Variants in TSPAN14 observed in about 807,000 individuals in gnomAD.
The protein encoded by TSPAN14 is tetraspanin 14.
Under a neutral mutation model 36.6 loss-of-function variants are expected in TSPAN14, and 16 were observed. That is an observed-to-expected ratio of 0.44 (90% CI 0.30 to 0.66). The LOEUF (loss-of-function observed/expected upper bound fraction) is 0.66. TSPAN14 is among the 30% of genes least tolerant of loss of function. TSPAN14 has a pLI of 0.12. For missense variants in TSPAN14, 231 were observed against 355.1 expected, an observed-to-expected ratio of 0.65 and a Z score of 2.81; for synonymous variants, 139 against 143.8, an observed-to-expected ratio of 0.97 and a Z score of 0.24.
chr10:80,500,314 C>CT (rs144759161), intron 2 of TSPAN14, among the ~76,000 whole-genome samples: 1,698 of 47,866 alleles, frequency 0.035, 196 homozygotes, highest in Non-Finnish European at 0.053. Context: ...AGGCCTTATT[C>CT]TTTTTTTTTT....
At chr10:80,474,800 C>CT (rs1164631931) in intron 1 of TSPAN14, among the ~76,000 whole-genome samples, 1 of 152,140 alleles carries the variant, frequency 6.6e-6, no homozygotes, top group Non-Finnish European at 1.5e-5. Flanking sequence ...CTTTTCTCCA[C>CT]TGTCATGTCA....
intron 2 of TSPAN14, among the ~76,000 whole-genome samples, chr10:80,492,236 A>G (rs143489116): frequency 5.3e-5 from 8 of 152,208 alleles, no homozygotes; most frequent in African/African-American, 1.2e-4. Flanking sequence ...TAATAAAATG[A>G]ACTCCATGTT....
intron 2 of TSPAN14, among the ~76,000 whole-genome samples, chr10:80,501,286 C>CT (rs36008947): frequency 5.1e-4 from 62 of 120,588 alleles, no homozygotes; most frequent in South Asian, 1.2e-3. Context: ...TTTAGAAAAC[C>CT]TTTTTTTTTT....
At chr10:80,474,049 C>T (rs1846714081) in intron 1 of TSPAN14, among the ~76,000 whole-genome samples, 1 of 152,118 alleles carries the variant, frequency 6.6e-6, no homozygotes, top group Admixed American at 6.5e-5. Flanking sequence ...GAATGTTCCT[C>T]AGCACCTAGT....
In TSPAN14 at chr10:80,516,193, T is replaced by G. The variant is rs767783485; in HGVS notation, c.622-11T>G. 2.5e-6 allele frequency: 4 copies of G among 1,613,996 alleles called. No homozygotes were observed. The highest frequency in any genetic ancestry group is 2.7e-5 in the African/African-American group (2 of 74,924). On this transcript the variant is annotated splice_polypyrimidine_tract_variant and intron_variant, in intron 7 of 8. Transcript: ENST00000429989. The stretch of plus-strand genomic sequence containing the variant: ...GCCAAAGGCTCAGACCCCTGTGGTG[T>G]TTTCCTGCAGCTGAAGAGCAAGTGG...
chr10:80,499,374 C>A (rs1316287720), intron 2 of TSPAN14, among the ~76,000 whole-genome samples: 1 of 152,234 alleles, frequency 6.6e-6, no homozygotes, highest in Non-Finnish European at 1.5e-5. Context: ...AATATTTAAT[C>A]TTCACAGTGA....
chr10:80,460,944 A>T (rs1009271256), intron 1 of TSPAN14, among the ~76,000 whole-genome samples: 7 of 152,160 alleles, frequency 4.6e-5, no homozygotes, highest in Non-Finnish European at 8.8e-5. Context: ...TGAGCTGGGC[A>T]GAGGGAGGTG....
intron 2 of TSPAN14, among the ~76,000 whole-genome samples, chr10:80,489,770 G>C (rs1181774000): frequency 6.6e-6 from 1 of 152,234 alleles, no homozygotes; most frequent in Non-Finnish European, 1.5e-5. Flanking sequence ...AGCCTCCTGA[G>C]CAACAGGACA....
At chr10:80,479,852 G>A (rs1210912690) in intron 1 of TSPAN14, among the ~76,000 whole-genome samples, 1 of 150,012 alleles carries the variant, frequency 6.7e-6, no homozygotes, top group Non-Finnish European at 1.5e-5. Context: ...AGCTTGATGG[G>A]GATGGCATTG....
At chr10:80,503,697 C>G (rs977627529) in intron 2 of TSPAN14, among the ~76,000 whole-genome samples, 2 of 152,122 alleles carry the variant, frequency 1.3e-5, no homozygotes, top group Non-Finnish European at 2.9e-5. Flanking sequence ...ATGAGACTTC[C>G]TGGGGCTTTC....
chr10:80,483,511 A>G (rs1427791886), intron 1 of TSPAN14, among the ~76,000 whole-genome samples: 1 of 152,276 alleles, frequency 6.6e-6, no homozygotes, highest in African/African-American at 2.4e-5. Flanking sequence ...TTTGGGTGGT[A>G]AATGTAACCA....
At chr10:80,494,047 G>A (rs1848060187) in intron 2 of TSPAN14, among the ~76,000 whole-genome samples, 1 of 152,188 alleles carries the variant, frequency 6.6e-6, no homozygotes, top group Non-Finnish European at 1.5e-5. Context: ...CTTCAGAGAT[G>A]GATTAAAAGT....
chr10:80,500,574 C>T (rs190967105), intron 2 of TSPAN14, among the ~76,000 whole-genome samples: 2 of 152,156 alleles, frequency 1.3e-5, no homozygotes, highest in Admixed American at 6.5e-5. Flanking sequence ...GGTGATCCGC[C>T]TCCCAAAGTG....
chr10:80,468,610 C>T (rs1375988842), intron 1 of TSPAN14: 2 of 152,178 alleles, frequency 1.3e-5, no homozygotes, highest in Non-Finnish European at 2.9e-5. Context: ...TGAGCATCAC[C>T]TGGGAGCTTG....
intron 1 of TSPAN14, chr10:80,459,429 T>TA (rs1370463357): frequency 1.3e-5 from 2 of 152,980 alleles, no homozygotes; most frequent in Non-Finnish European, 2.9e-5. Context: ...CCTCCCTCCT[T>TA]AGGCTGTGCT....
At chr10:80,499,434 G>A (rs1848374262) in intron 2 of TSPAN14, among the ~76,000 whole-genome samples, 1 of 152,194 alleles carries the variant, frequency 6.6e-6, no homozygotes, top group African/African-American at 2.4e-5. Flanking sequence ...TTGGGACACA[G>A]CGTGGTCTCA....
chr10:80,492,164 A>G (rs1420410008), intron 2 of TSPAN14, among the ~76,000 whole-genome samples: 1 of 152,218 alleles, frequency 6.6e-6, no homozygotes, highest in Non-Finnish European at 1.5e-5. Flanking sequence ...TGGAATGCCC[A>G]AGCCCTTACC....
At chr10:80,495,675 C>T (rs1433131239) in intron 2 of TSPAN14, among the ~76,000 whole-genome samples, 2 of 152,168 alleles carry the variant, frequency 1.3e-5, no homozygotes, top group Non-Finnish European at 2.9e-5. Flanking sequence ...GCCTCCTTGG[C>T]TGGTAAATAA....
chr10:80,511,278 T>C (rs1347777646), intron 5 of TSPAN14, among the ~76,000 whole-genome samples: 1 of 152,184 alleles, frequency 6.6e-6, no homozygotes, highest in Admixed American at 6.5e-5. Flanking sequence ...AGAGCTTTGA[T>C]TGTGTTACCT....
Sources: allele counts gnomAD v4.1 joint callset (sites outside exome capture counted in the v4.1 genomes callset), GRCh38; gene constraint gnomAD v4.1.1; transcripts MANE v1.5; gene names NCBI Gene and HGNC (gene_info 2026-07-23, HGNC 2026-07-21).